The following SAG variants were observed in gnomAD, a reference collection of about 807,000 sequenced individuals.
SAG encodes S-arrestin.
A neutral mutation model predicts 55.0 loss-of-function variants in SAG; 45 were observed. The observed-to-expected ratio is 0.82, with a 90% CI of 0.64 to 1.05. SAG has a LOEUF of 1.05. Among genes scored for constraint, SAG ranks in the 50% least tolerant of loss-of-function variants. The pLI, the probability that SAG is intolerant of heterozygous loss-of-function variation, is 0.00. For missense variants in SAG, 455 were observed against 512.1 expected (o/e 0.89, Z 1.08); for synonymous variants, 189 against 197.4 (o/e 0.96, Z 0.36).
At chr2:233,327,725 AT>A (rs1467628145) in intron 7 of SAG, 1 of 144,912 alleles carries the variant, frequency 6.9e-6, no homozygotes, top group Non-Finnish European at 1.5e-5. Flanking sequence ...TTTTTTTTGT[AT>A]TTTTAGTAGA....
intron 5 of SAG, among the ~76,000 whole-genome samples, chr2:233,322,185 CA>C (rs35197599): frequency 0.14 from 9,242 of 66,210 alleles, 202 homozygotes; most frequent in South Asian, 0.2. Context: ...GACTCTGTCT[CA>C]AAAAAAAAAA....
In SAG at chr2:233,335,173, C is replaced by T. The variant is rs577189129; in HGVS notation, c.944+74C>T. 8.6e-5 allele frequency: 132 copies of T among 1,537,912 alleles called. No individual in the cohort carries two copies. In the East Asian group the frequency reaches 3.0e-3, roughly 35 times the overall value. Reference sequence around the variant, plus strand: ...CTGGTCTGCTTCCCTTCACATCACCCTGCTGGGCTCGCAGGCACGCACGTG... The same window carrying T: ...CTGGTCTGCTTCCCTTCACATCACCTTGCTGGGCTCGCAGGCACGCACGTG... On this transcript the variant is annotated intron_variant, in intron 11 of 15. Coordinates refer to ENST00000409110, the MANE Select transcript of SAG (RefSeq NM_000541.5).
Position 233,327,125 on chromosome 2 carries a change from G to C in SAG, c.440G>C (p.Cys147Ser). ...TCTGCTCTCTCTCCCCAACAGTCCT[G>C]TGGGGTTGACTTTGAGGTCAAAGCA... is the stretch of plus-strand genomic sequence containing the variant. ...QPAPQDSGKS[C>S]GVDFEVKAFA... Residue 147 changes from cysteine to serine, a missense_variant, in exon 7 of 16, where the codon TGT becomes TCT. Cys to Ser is a moderately radical substitution (Grantham distance 112). Coordinates refer to ENST00000409110, the MANE Select transcript of SAG (RefSeq NM_000541.5). 1.2e-6 allele frequency: 2 copies of C among 1,613,708 alleles called. No individual in the cohort carries two copies. Among genetic ancestry groups the C allele is most frequent in the Non-Finnish European group, 1.7e-6 (2 of 1,179,588 alleles).
chr2:233,341,345 T>G, intron 13 of SAG, among the ~76,000 whole-genome samples: 1 of 152,162 alleles, frequency 6.6e-6, no homozygotes, highest in East Asian at 1.9e-4. Context: ...CCTCAATGCC[T>G]GTCTCAAATG....
chr2:233,308,811 C>T lies in SAG; in HGVS notation c.-28-351C>T, dbSNP rs118169285. 4.1e-4 allele frequency among the ~76,000 whole-genome samples: 63 copies of T among 152,260 alleles called. No homozygotes were observed. The East Asian group carries it at 0.011, about 26-fold the overall frequency. ...TTTCTGATTTATTCGCCATTAGACACAGTCACGATAGAACTTTAAATTCAA... is the reference window on the plus strand; with the variant it reads ...TTTCTGATTTATTCGCCATTAGACATAGTCACGATAGAACTTTAAATTCAA... On this transcript the variant is annotated intron_variant, in intron 1 of 15. Coordinates refer to ENST00000409110, the MANE Select transcript of SAG (RefSeq NM_000541.5).
At chr2:233,339,654 G>A (rs1701040516) in intron 12 of SAG, among the ~76,000 whole-genome samples, 1 of 149,840 alleles carries the variant, frequency 6.7e-6, no homozygotes, top group African/African-American at 2.5e-5. Context: ...GACCTCTTGT[G>A]ACTTATCTTG....
At chr2:233,325,916 G>A (rs1700538678) in intron 6 of SAG, among the ~76,000 whole-genome samples, 1 of 152,214 alleles carries the variant, frequency 6.6e-6, no homozygotes, top group Non-Finnish European at 1.5e-5. Flanking sequence ...TGATGGCAGG[G>A]AAGGATGCAT....
chr2:233,329,392 T>C (rs1700676259), intron 8 of SAG, 101 bp from the exon 9 acceptor site: 1 of 747,786 alleles, frequency 1.3e-6, no homozygotes, highest in Non-Finnish European at 2.3e-6. Flanking sequence ...TCTGCCGCTT[T>C]TATTCCAGTG....
chr2:233,343,823 A>G (rs1701175615), intron 14 of SAG: 1 of 934,018 alleles, frequency 1.1e-6, no homozygotes. Context: ...CTCATACTTT[A>G]CAAATAGCTT....
At position 233,319,565 on chromosome 2, in the gene SAG, G is replaced by A. The variant is rs970865011; in HGVS notation, c.181+770G>A. On this transcript the variant is annotated intron_variant, in intron 4 of 15. Transcript: ENST00000409110. The surrounding 1 kb of genome is among the most constrained non-coding windows in gnomAD (Gnocchi z 4.4). ...AACCCTGGATGTGCCACTGGAATAC[G>A]TCAGCTATGGGGCCATCAGCATTGA... is the stretch of plus-strand genomic sequence containing the variant. 1.0e-5 allele frequency: 10 copies of A among 986,582 alleles called. No individual in the cohort carries two copies. Among genetic ancestry groups the A allele is most frequent in the African/African-American group, 3.6e-5 (2 of 55,826 alleles). The allele number at this position is 986,582 out of a possible 1,614,324, so 61.1% of individuals were successfully genotyped here. A position where few individuals can be genotyped will look rare whatever the true frequency, so the allele number is the denominator to read the frequency against.
Position 233,309,247 on chromosome 2 carries a change from A to G in SAG, c.58A>G (p.Ile20Val), listed in dbSNP as rs775266040. 18 of 1,613,590 alleles carry G rather than the reference A, an allele frequency of 1.1e-5. No homozygotes were observed. The highest frequency in any genetic ancestry group is 1.4e-5 in the Non-Finnish European group (17 of 1,179,698). The change falls in exon 2 of 16, where the codon ATC (isoleucine) becomes GTC (valine). Residue 20 changes from isoleucine (I) to valine (V), a missense_variant. Transcript: ENST00000409110. ...ACCGAACCATGTTATCTTCAAGAAG[A>G]TCTCCCGGGACAAATCGGTGAGTGG... ...SEPNHVIFKKISRDKSVTIYL... is the reference protein window; with the variant it reads ...SEPNHVIFKKVSRDKSVTIYL...
chr2:233,324,913 G>C (rs1185415347), intron 6 of SAG, among the ~76,000 whole-genome samples: 1 of 152,094 alleles, frequency 6.6e-6, no homozygotes, highest in Non-Finnish European at 1.5e-5. Flanking sequence ...AAAATGGAAG[G>C]GAACAGAATG....
intron 9 of SAG, chr2:233,331,414 T>G: frequency 1.7e-6 from 1 of 580,424 alleles, no homozygotes; most frequent in Non-Finnish European, 3.1e-6. Flanking sequence ...TTAGGGGACA[T>G]GGGTGGGAGT....
At chr2:233,339,446 T>C (rs1390288154) in intron 12 of SAG, among the ~76,000 whole-genome samples, 1 of 152,170 alleles carries the variant, frequency 6.6e-6, no homozygotes, top group Non-Finnish European at 1.5e-5. Context: ...AGTAAAGAAT[T>C]CCCTTGAGGA....
rs772520110 is a variant in SAG at position 233,319,491 on chromosome 2, A to C, written c.181+696A>C. 126 of 699,610 alleles carry C rather than the reference A, an allele frequency of 1.8e-4. No individual in the cohort carries two copies. Among genetic ancestry groups the C allele is most frequent in the Non-Finnish European group, 2.2e-4 (122 of 566,018 alleles). 43.3% of individuals were successfully genotyped at this position (699,610 alleles called of 1,614,324 possible). A position where few individuals can be genotyped will look rare whatever the true frequency, so the allele number is the denominator to read the frequency against. On this transcript the variant is annotated intron_variant, in intron 4 of 15. Coordinates refer to ENST00000409110, the MANE Select transcript of SAG (RefSeq NM_000541.5). The surrounding 1 kb of genome is among the most constrained non-coding windows in gnomAD (Gnocchi z 4.4). ...ATGTCACTGACTCAGTTCCATTCTAAATATGCCTTTTTGAGTGTTGCTACT... is the reference window on the plus strand; with the variant it reads ...ATGTCACTGACTCAGTTCCATTCTACATATGCCTTTTTGAGTGTTGCTACT...
chr2:233,331,631 C>A lies in SAG; in HGVS notation c.734-9C>A. The A allele has an allele frequency of 6.2e-7, 1 of 1,608,454 alleles. No individual in the cohort carries two copies. Among genetic ancestry groups the A allele is most frequent in the Non-Finnish European group, 8.5e-7 (1 of 1,175,046 alleles). On this transcript the variant is annotated splice_polypyrimidine_tract_variant and intron_variant, in intron 9 of 15. Coordinates refer to ENST00000409110, the MANE Select transcript of SAG (RefSeq NM_000541.5). ...TGCTGACCACCGGACTCCCGTCTTC[C>A]CCTTGCAGTGGAACAGGTGGCCAAT...
Position 233,320,710 on chromosome 2 carries a change from T to C in SAG, c.262T>C (p.Tyr88His), listed in dbSNP as rs1045104656. The C allele has an allele frequency of 2.9e-5, 47 of 1,605,780 alleles. No individual in the cohort carries two copies. Among genetic ancestry groups the C allele is most frequent in the Non-Finnish European group, 3.7e-5 (43 of 1,176,380 alleles). The change falls in exon 5 of 16, where the codon TAC becomes CAC. Residue 88 changes from tyrosine (Y) to histidine (H), a missense_variant. Physicochemically the swap from Tyr to His is moderately conservative, Grantham distance 83. Coordinates refer to ENST00000409110, the MANE Select transcript of SAG (RefSeq NM_000541.5). ...VIGLTFRRDL[Y>H]FSRVQVYPPV... ...CGGCTTGACCTTCCGCAGGGACCTG[T>C]ACTTCTCCCGGGTCCAGGTGTATCC...
At chr2:233,328,826 C>T (rs1373786454) in intron 8 of SAG, 6 of 498,312 alleles carry the variant, frequency 1.2e-5, no homozygotes, top group Admixed American at 3.8e-5. Context: ...AACTGGCTTG[C>T]GTTCCACCCA....
intron 11 of SAG, among the ~76,000 whole-genome samples, 159 bp downstream of exon 11, chr2:233,335,258 C>T (rs1270831936): frequency 1.3e-5 from 2 of 152,192 alleles, no homozygotes; most frequent in Admixed American, 6.5e-5. Context: ...ACACAAGGAT[C>T]CCACTCTCAC....
Sources: allele counts gnomAD v4.1 joint callset (sites outside exome capture counted in the v4.1 genomes callset), GRCh38; gene constraint gnomAD v4.1.1; non-coding constraint Gnocchi (gnomAD v3.1); transcripts MANE v1.5; gene names NCBI Gene and HGNC (gene_info 2026-07-23, HGNC 2026-07-21).